The following SLC22A8 variants were observed in gnomAD, a reference collection of about 807,000 sequenced individuals.
The protein encoded by SLC22A8 is solute carrier family 22 member 8.
Under a neutral mutation model 48.4 loss-of-function variants are expected in SLC22A8, and 40 were observed. The ratio of observed to expected loss-of-function variants is 0.83; its 90% CI spans 0.64 to 1.08. The LOEUF is 1.08. SLC22A8 is among the 50% of genes least tolerant of loss of function. The pLI, the probability that SLC22A8 is intolerant of heterozygous loss-of-function variation, is 0.00. For synonymous variants in SLC22A8, 268 were observed against 286.3 expected, an observed-to-expected ratio of 0.94 and a Z score of 0.65; for missense variants, 606 against 699.0, an observed-to-expected ratio of 0.87 and a Z score of 1.50.
intron 6 of SLC22A8, 34 bp from the exon 7 acceptor site, chr11:62,995,853 T>C (rs761073691): frequency 1.9e-6 from 3 of 1,560,870 alleles, no homozygotes; most frequent in Non-Finnish European, 2.7e-6. Context: ...GTGCCATTAA[T>C]GACCAGCTAG....
At chr11:62,999,567 G>A (rs1590692395) in intron 4 of SLC22A8, 121 bp downstream of exon 4, 1 of 730,314 alleles carries the variant, frequency 1.4e-6, no homozygotes, top group East Asian at 2.8e-5. Flanking sequence ...GTCCTGAGAG[G>A]GGGTGGCACC....
intron 2 of SLC22A8, among the ~76,000 whole-genome samples, chr11:63,007,775 A>G (rs915826133): frequency 3.3e-5 from 5 of 152,218 alleles, no homozygotes; most frequent in Non-Finnish European, 2.9e-5. Context: ...GAAGAAAGAG[A>G]AAAGCACGAT....
chr11:62,999,943 A>T, intron 3 of SLC22A8, 101 bp from the exon 4 acceptor site: 1 of 1,026,076 alleles, frequency 9.7e-7, no homozygotes, highest in Non-Finnish European at 1.3e-6. Context: ...CCGACCCCCA[A>T]CCTTTCCCTG....
Position 62,993,473 on chromosome 11 carries a change from C to T in SLC22A8, c.1480G>A (p.Glu494Lys), listed in dbSNP as rs752383206. 2.7e-5 allele frequency: 43 copies of T among 1,614,068 alleles called. No individual in the cohort carries two copies. The highest frequency in any genetic ancestry group is 3.5e-5 in the Non-Finnish European group (41 of 1,180,032). Residue 494 changes from glutamate (E) to lysine (K), a missense_variant, in exon 10 of 11, where the codon GAG becomes AAG. Physicochemically the swap from Glu to Lys is moderately conservative, Grantham distance 56. Transcript: ENST00000336232. Reference protein sequence around the residue: ...LGGSAALFLPETLNQPLPETI... With the variant: ...LGGSAALFLPKTLNQPLPETI... The stretch of plus-strand genomic sequence containing the variant: ...TCTGGCAAGGGCTGATTCAGGGTCT[C>T]AGGCAGGAAGAGGGCAGCACTGCCC...
At chr11:63,011,232 C>T (rs140135236) in intron 2 of SLC22A8, among the ~76,000 whole-genome samples, 206 of 152,304 alleles carry the variant, frequency 1.4e-3, no homozygotes, top group African/African-American at 4.6e-3. Context: ...AGGCCTTGGG[C>T]CAATGACCTG....
intron 7 of SLC22A8, 42 bp downstream of exon 7, chr11:62,995,662 A>T: frequency 6.9e-7 from 1 of 1,439,802 alleles, no homozygotes; most frequent in South Asian, 1.1e-5. Context: ...CTTGTCTATC[A>T]CCCCTTCCTT....
chr11:63,012,264 T>G (rs1475012839), intron 2 of SLC22A8, among the ~76,000 whole-genome samples: 1 of 152,134 alleles, frequency 6.6e-6, no homozygotes, highest in Non-Finnish European at 1.5e-5. Context: ...TAGCTGGGAT[T>G]ACAGGTGTGA....
chr11:63,008,951 T>G (rs977092889), intron 2 of SLC22A8, among the ~76,000 whole-genome samples: 1 of 152,074 alleles, frequency 6.6e-6, no homozygotes, highest in African/African-American at 2.4e-5. Context: ...GGGTGCTCAC[T>G]GGTGAGTTCC....
chr11:62,993,636 GT>G lies in SLC22A8; in HGVS notation c.1326-10del, dbSNP rs1376728793. 8.7e-6 allele frequency: 14 copies of G among 1,604,970 alleles called. No homozygotes were observed. The highest frequency in any genetic ancestry group is 1.3e-5 in the African/African-American group (1 of 74,904). ...CGCCCATACCTGTTTGCCTGCGAGG[GT>G]TCAGAGTAGGGATTGGTAGCCTGTG... On this transcript the variant is annotated splice_polypyrimidine_tract_variant and intron_variant, in intron 9 of 10. Transcript: ENST00000336232.
intron 2 of SLC22A8, among the ~76,000 whole-genome samples, chr11:63,012,980 G>A (rs2086636009): frequency 6.6e-6 from 1 of 152,124 alleles, no homozygotes; most frequent in African/African-American, 2.4e-5. Context: ...GTCATGGTGT[G>A]GAGGGCAGGT....
In SLC22A8 at chr11:62,993,513, G is replaced by A. The variant is rs1351941919; in HGVS notation, c.1440C>T (p.Ile480=). Residue 480 remains isoleucine, a synonymous_variant, in exon 10 of 11, where the codon ATC becomes ATT. Coordinates refer to ENST00000336232, the MANE Select transcript of SLC22A8 (RefSeq NM_004254.4). ...QPFIPNIIYG[I]TALLGGSAAL... The stretch of plus-strand genomic sequence containing the variant: ...CAGCACTGCCCCCGAGGAGGGCGGT[G>A]ATCCCGTAGATGATATTGGGGATGA... 6.2e-7 allele frequency: 1 copy of A among 1,614,196 alleles called. No homozygotes were observed. The highest frequency in any genetic ancestry group is 1.7e-5 in the Admixed American group (1 of 60,026).
intron 2 of SLC22A8, 54 bp from the exon 3 acceptor site, chr11:63,000,877 C>T: frequency 7.3e-7 from 1 of 1,372,604 alleles, no homozygotes; most frequent in Non-Finnish European, 1.0e-6. Flanking sequence ...GCCTGCTCAG[C>T]CATGCTCAGC....
At chr11:63,013,387 A>G (rs2086640250) in intron 2 of SLC22A8, among the ~76,000 whole-genome samples, 2 of 152,170 alleles carry the variant, frequency 1.3e-5, no homozygotes, top group South Asian at 4.1e-4. Flanking sequence ...GGCCTCCAGG[A>G]ACCCACAGAT....
Position 62,994,591 on chromosome 11 carries a change from G to A in SLC22A8, c.1167C>T (p.Ala389=), listed in dbSNP as rs1335830281. The A allele has an allele frequency of 6.2e-7, 1 of 1,613,810 alleles. No homozygotes were observed. ...YLGRHTTQAA[A]LLLAGGAILA... ...AGATGGCCCCTCCTGCCAGGAGCAG[G>A]GCAGCGGCCTGAGTGGTATGCCGGC... Residue 389 remains alanine (A), a synonymous_variant, in exon 8 of 11, where the codon GCC becomes GCT. Coordinates refer to ENST00000336232, the MANE Select transcript of SLC22A8 (RefSeq NM_004254.4).
intron 2 of SLC22A8, among the ~76,000 whole-genome samples, chr11:63,009,374 G>C (rs991863972): frequency 6.6e-6 from 1 of 152,088 alleles, no homozygotes; most frequent in Non-Finnish European, 1.5e-5. Flanking sequence ...CTTCCACCCT[G>C]GAGAGGGTGG....
At chr11:63,008,477 C>G (rs570547883) in intron 2 of SLC22A8, among the ~76,000 whole-genome samples, 1 of 152,130 alleles carries the variant, frequency 6.6e-6, no homozygotes, top group Non-Finnish European at 1.5e-5. Flanking sequence ...AAAAAGACAT[C>G]AGTTTCCAGC....
At chr11:63,010,407 A>T (rs1241587640) in intron 2 of SLC22A8, among the ~76,000 whole-genome samples, 2 of 152,132 alleles carry the variant, frequency 1.3e-5, no homozygotes, top group East Asian at 3.9e-4. Context: ...GAGCCAACGC[A>T]TCGGTTTCCC....
At position 63,000,935 on chromosome 11, in the gene SLC22A8, C is replaced by T. The variant is rs528146431; in HGVS notation, c.334-112G>A. ...TTCCTCTCCCAGCGCCCTGACTTTG[C>T]CCCTACCTCCCAAGGACCGTTTCCT... On this transcript the variant is annotated intron_variant, in intron 2 of 10. Transcript: ENST00000336232. 201 of 769,668 alleles carry T rather than the reference C, an allele frequency of 2.6e-4. 6 individuals are homozygous for T. In the South Asian group the frequency reaches 3.0e-3, roughly 11 times the overall value. 47.7% of individuals were successfully genotyped at this position (769,668 alleles called of 1,614,324 possible).
Position 62,993,291 on chromosome 11 carries a change from C to T in SLC22A8, c.1575G>A (p.Lys525=), listed in dbSNP as rs2086365492. The part of the protein sequence containing the change: ...KKPKQEPEVE[K]ASQRIPLQPH... ...GCTGTAGAGGGATCCTCTGGGAGGC[C>T]TTTTCCACCTCTGGCTCCTGCTTTG... Residue 525 remains lysine, a synonymous_variant, in exon 11 of 11, where the codon AAG becomes AAA. Coordinates refer to ENST00000336232, the MANE Select transcript of SLC22A8 (RefSeq NM_004254.4). The T allele has an allele frequency of 3.7e-6, 6 of 1,613,750 alleles. No homozygotes were observed. Among genetic ancestry groups the T allele is most frequent in the Middle Eastern group, 1.7e-4 (1 of 5,852 alleles).
Sources: gnomAD v4.1 joint callset for allele counts (sites outside exome capture counted in the v4.1 genomes callset) on GRCh38, gnomAD v4.1.1 for gene constraint, MANE v1.5 for transcripts, NCBI Gene and HGNC (gene_info 2026-07-23, HGNC 2026-07-21) for gene names.